Variants in HDAC4 observed in about 807,000 individuals in gnomAD.
HDAC4 encodes the protein histone deacetylase A.
HDAC4 carries 16 observed loss-of-function variants against 135.1 expected under a neutral mutation model. That is an observed-to-expected ratio of 0.12 (90% CI 0.08 to 0.18). The LOEUF is 0.18. Ranked by LOEUF, HDAC4 falls within the 10% of genes least tolerant of loss-of-function variation. The probability of loss-of-function intolerance (pLI) is 1.00; values close to 1 mark genes in which losing one functional copy is unlikely to be tolerated. For missense variants in HDAC4, 1,143 were observed against 1,511.8 expected, an observed-to-expected ratio of 0.76 and a Z score of 4.05; for synonymous variants, 685 against 653.4, an observed-to-expected ratio of 1.05 and a Z score of -0.74.
intron 14 of HDAC4, among the ~76,000 whole-genome samples, chr2:239,108,658 G>C (rs1374657163): frequency 1.3e-5 from 2 of 152,216 alleles, no homozygotes; most frequent in Non-Finnish European, 2.9e-5. Context: ...GCTGGACGGA[G>C]AACTGTCCAA....
At chr2:239,363,192 C>T (rs1170548398) in intron 1 of HDAC4, among the ~76,000 whole-genome samples, 2 of 152,152 alleles carry the variant, frequency 1.3e-5, no homozygotes, top group South Asian at 2.1e-4. Flanking sequence ...GTGCATGGAC[C>T]GGAAACCCCA....
chr2:239,395,184 C>G (rs567254716), intron 1 of HDAC4, among the ~76,000 whole-genome samples: 1 of 152,336 alleles, frequency 6.6e-6, no homozygotes, highest in East Asian at 1.9e-4. Context: ...TGAAACTCCA[C>G]AAACACAGCA....
At chr2:239,213,932 A>C (rs976218726) in intron 3 of HDAC4, among the ~76,000 whole-genome samples, 1 of 152,220 alleles carries the variant, frequency 6.6e-6, no homozygotes, top group Non-Finnish European at 1.5e-5. Flanking sequence ...AGATGTGGAA[A>C]ACTGAGGCAG....
intron 1 of HDAC4, among the ~76,000 whole-genome samples, chr2:239,397,249 G>A (rs190668506): frequency 6.6e-6 from 1 of 152,300 alleles, no homozygotes; most frequent in East Asian, 1.9e-4. Context: ...GGAGATGCAG[G>A]GGGTGGCACA....
At chr2:239,119,323 C>T (rs924507537) in intron 12 of HDAC4, among the ~76,000 whole-genome samples, 9 of 152,032 alleles carry the variant, frequency 5.9e-5, no homozygotes, top group Admixed American at 6.5e-5. Context: ...AGGAGGGATT[C>T]GGGAGGAGGG....
chr2:239,388,947 A>C (rs951391537), intron 1 of HDAC4, among the ~76,000 whole-genome samples: 21 of 152,192 alleles, frequency 1.4e-4, no homozygotes, highest in African/African-American at 5.1e-4. Flanking sequence ...GTTAGTCTCC[A>C]CTGCCAGAGA....
At chr2:239,108,499 A>G (rs1257310787) in intron 14 of HDAC4, among the ~76,000 whole-genome samples, 1 of 152,076 alleles carries the variant, frequency 6.6e-6, no homozygotes, top group Admixed American at 6.5e-5. Context: ...AGTGATGAGG[A>G]GGTCTGCCCT....
intron 3 of HDAC4, 107 bp from the exon 4 acceptor site, chr2:239,190,184 G>GGGC: frequency 8.0e-7 from 1 of 1,245,016 alleles, no homozygotes; most frequent in Non-Finnish European, 1.1e-6. Context: ...CGGGGGGGGG[G>GGGC]TTGTGACCAT....
At chr2:239,336,507 C>T (rs1366168709) in intron 2 of HDAC4, among the ~76,000 whole-genome samples, 3 of 152,060 alleles carry the variant, frequency 2.0e-5, no homozygotes, top group Non-Finnish European at 4.4e-5. Flanking sequence ...CATCCATGCA[C>T]AACCATAAAA....
At chr2:239,261,734 G>C (rs189378187) in intron 2 of HDAC4, among the ~76,000 whole-genome samples, 235 of 152,274 alleles carry the variant, frequency 1.5e-3, no homozygotes, top group African/African-American at 5.5e-3. Context: ...CCAGGCCCAC[G>C]GGGAGGAAGG....
intron 2 of HDAC4, among the ~76,000 whole-genome samples, chr2:239,272,506 A>C (rs1346197694): frequency 1.3e-5 from 2 of 152,272 alleles, no homozygotes; most frequent in African/African-American, 4.8e-5. Context: ...CAAAGGATTT[A>C]AACAGACATT....
chr2:239,084,354 A>T, intron 19 of HDAC4, 112 bp from the exon 20 acceptor site: 1 of 740,024 alleles, frequency 1.4e-6, no homozygotes, highest in Non-Finnish European at 2.4e-6. Flanking sequence ...GGTCTCTGTG[A>T]GTGCAGAGCT....
intron 20 of HDAC4, among the ~76,000 whole-genome samples, chr2:239,083,345 C>T (rs534592491): frequency 3.9e-5 from 6 of 152,330 alleles, no homozygotes; most frequent in African/African-American, 1.4e-4. Flanking sequence ...TCCCGGCTCG[C>T]AGGTCCTTGG....
rs977279675 is a variant in HDAC4 at position 239,130,414 on chromosome 2, G to A, written c.1295-3720C>T. The stretch of plus-strand genomic sequence containing the variant: ...CACCCTCCACTCAGCATGTGACAGC[G>A]GGACAGTGGGTCTCCACTGCCAGCT... On this transcript the variant is annotated intron_variant, in intron 11 of 26. Coordinates refer to ENST00000543185, the MANE Select transcript of HDAC4 (RefSeq NM_001378414.1). 3.3e-5 allele frequency among the ~76,000 whole-genome samples: 5 copies of A among 152,176 alleles called. 1 individual carries two copies. Among genetic ancestry groups the A allele is most frequent in the Admixed American group, 1.3e-4 (2 of 15,282 alleles).
intron 1 of HDAC4, among the ~76,000 whole-genome samples, chr2:239,379,165 C>A (rs1358640682): frequency 6.6e-6 from 1 of 151,972 alleles, no homozygotes; most frequent in Non-Finnish European, 1.5e-5. Context: ...GGGTGGAGGC[C>A]GCCAAGAAAA....
Position 239,068,077 on chromosome 2 carries a change from C to T in HDAC4, c.2869+412G>A, listed in dbSNP as rs2033753853. Among the ~76,000 whole-genome samples, 1 of 152,164 alleles carries T rather than the reference C, an allele frequency of 6.6e-6. No individual in the cohort carries two copies. The highest frequency in any genetic ancestry group is 1.5e-5 in the Non-Finnish European group (1 of 68,018). On this transcript the variant is annotated intron_variant, in intron 23 of 26. Transcript: ENST00000543185. The surrounding 1 kb of genome is among the most constrained non-coding windows in gnomAD (Gnocchi z 4.4). ...CACACACATCCTGGGCTCCCTCATCCAACTCTGAACTCAACTGTGCCCCCA... is the reference window on the plus strand; with the variant it reads ...CACACACATCCTGGGCTCCCTCATCTAACTCTGAACTCAACTGTGCCCCCA...
intron 18 of HDAC4, chr2:239,089,610 A>G (rs1428593497): frequency 5.7e-6 from 1 of 176,276 alleles, no homozygotes; most frequent in East Asian, 1.6e-4. Flanking sequence ...TACAGGTGTG[A>G]GCCACTGTGC....
At chr2:239,249,934 G>A (rs62188578) in intron 2 of HDAC4, among the ~76,000 whole-genome samples, 18,007 of 152,188 alleles carry the variant, frequency 0.12, 1,193 homozygotes, top group Non-Finnish European at 0.15. Flanking sequence ...CTCTCACCCC[G>A]CGACAGCTGT....
chr2:239,340,777 G>A (rs1235543174), intron 2 of HDAC4, among the ~76,000 whole-genome samples: 1 of 152,134 alleles, frequency 6.6e-6, no homozygotes, highest in African/African-American at 2.4e-5. Context: ...GCAGTCCTCG[G>A]CCCAAGTCCA....
Sources: allele counts gnomAD v4.1 joint callset (sites outside exome capture counted in the v4.1 genomes callset), GRCh38; gene constraint gnomAD v4.1.1; non-coding constraint Gnocchi (gnomAD v3.1); transcripts MANE v1.5; gene names NCBI Gene and HGNC (gene_info 2026-07-23, HGNC 2026-07-21).